Variants in WFDC10B observed in about 807,000 individuals in gnomAD.
WFDC10B encodes protein WFDC10B.
In WFDC10B, 1 loss-of-function variant was observed where a neutral mutation model predicts 2.7. That is an observed-to-expected ratio of 0.38 (90% CI 0.13 to 1.79). The LOEUF (loss-of-function observed/expected upper bound fraction) is 1.79, where lower values mean the gene tolerates loss of function less well. WFDC10B is among the 40% of genes most tolerant of loss of function. The probability of loss-of-function intolerance (pLI) is 0.33; values close to 1 mark genes in which losing one functional copy is unlikely to be tolerated. For synonymous variants in WFDC10B, 26 were observed against 32.2 expected (o/e 0.81, Z 0.65); for missense variants, 71 against 87.8 (o/e 0.81, Z 0.76).
chr20:45,698,371 T>C (rs796874149), intron 2 of WFDC10B, among the ~76,000 whole-genome samples: 71 of 152,238 alleles, frequency 4.7e-4, no homozygotes, highest in African/African-American at 1.6e-3. Context: ...GACTATGGAT[T>C]GGGCAATGGA....
chr20:45,702,101 TACTC>T (rs1480484079), intron 2 of WFDC10B: 7 of 1,608,788 alleles, frequency 4.4e-6, no homozygotes, highest in Admixed American at 1.7e-5. Context: ...GGCCAGAACT[TACTC>T]ACCCATCCCA....
At position 45,702,137 on chromosome 20, in the gene WFDC10B, T is replaced by G. The variant is rs200457136; in HGVS notation, c.-65+2360A>C. ...CCCACTGACACCATGAAGCCTGTGC[T>G]GCCTCTCCAGTTCCTGGTGGTGTTC... On this transcript the variant is annotated intron_variant, in intron 2 of 3. Transcript: ENST00000330523. 190 of 1,613,228 alleles carry G rather than the reference T, an allele frequency of 1.2e-4. No homozygotes were observed. Among genetic ancestry groups the G allele is most frequent in the Non-Finnish European group, 1.6e-4 (184 of 1,179,734 alleles).
chr20:45,704,988 C>A lies in WFDC10B; in HGVS notation c.-200G>T, dbSNP rs1357633352. 1.9e-6 allele frequency: 3 copies of A among 1,614,126 alleles called. No individual in the cohort carries two copies. The highest frequency in any genetic ancestry group is 3.3e-5 in the Admixed American group (2 of 60,020). On this transcript the variant is annotated 5_prime_UTR_variant, in exon 1 of 4. Transcript: ENST00000330523. ...TTGCTTGCCCTCCTTTCACAAGACA[C>A]CATCCTTTGGCCACCAGTGTTCTTG... is the stretch of plus-strand genomic sequence containing the variant.
intron 2 of WFDC10B, among the ~76,000 whole-genome samples, chr20:45,687,365 G>A (rs564709828): frequency 8.5e-5 from 13 of 152,228 alleles, no homozygotes; most frequent in African/African-American, 3.1e-4. Flanking sequence ...ATGCCACATA[G>A]TATTCCATGG....
rs151333106 is a variant in WFDC10B, at chr20:45,685,923, G to A, written c.70C>T (p.Arg24Cys). The A allele has an allele frequency of 1.7e-5, 27 of 1,614,034 alleles. No individual in the cohort carries two copies. In the African/African-American group the frequency reaches 1.9e-4, roughly 11 times the overall value. ...VLLLQAQGGY[R>C]DKMRMQRIKV... The stretch of plus-strand genomic sequence containing the variant: ...CTACTCTGCATCCTCATCTTGTCAC[G>A]GTATCCTCCCTGGGCCTGCAGCAGC... The change falls in exon 3 of 4, where the codon CGT (arginine) becomes TGT (cysteine). Residue 24 changes from arginine (R) to cysteine (C), a missense_variant. Transcript: ENST00000330523.
chr20:45,701,698 G>A (rs1371215680), intron 2 of WFDC10B, among the ~76,000 whole-genome samples: 1 of 150,816 alleles, frequency 6.6e-6, no homozygotes, highest in African/African-American at 2.4e-5. Flanking sequence ...GGAGGAAGAG[G>A]CTGCAGTGAG....
chr20:45,701,518 T>C (rs1242576415), intron 2 of WFDC10B, among the ~76,000 whole-genome samples: 1 of 152,142 alleles, frequency 6.6e-6, no homozygotes, highest in Non-Finnish European at 1.5e-5. Context: ...TCCTAGCACT[T>C]TGAGAGGCTG....
chr20:45,695,284 A>G (rs1316014578), intron 2 of WFDC10B, among the ~76,000 whole-genome samples: 1 of 152,190 alleles, frequency 6.6e-6, no homozygotes, highest in Non-Finnish European at 1.5e-5. Context: ...ATTAAATTAA[A>G]TTTTGGAACA....
intron 2 of WFDC10B, among the ~76,000 whole-genome samples, chr20:45,702,838 ACC>A (rs1984222511): frequency 1.3e-5 from 2 of 152,272 alleles, no homozygotes; most frequent in Admixed American, 1.3e-4. Context: ...CTTAACCAAT[ACC>A]AAGTGGGAAA....
chr20:45,704,838 C>T (rs1984325589), intron 1 of WFDC10B, 80 bp downstream of exon 1: 1 of 1,484,440 alleles, frequency 6.7e-7, no homozygotes, highest in African/African-American at 1.4e-5. Flanking sequence ...GACTCTGCCT[C>T]TCTGAACACA....
chr20:45,684,675 T>C lies in WFDC10B; in HGVS notation c.*155A>G, dbSNP rs1041170861. 9.8e-7 allele frequency: 1 copy of C among 1,016,036 alleles called. No homozygotes were observed. Among genetic ancestry groups the C allele is most frequent in the Non-Finnish European group, 1.4e-6 (1 of 703,536 alleles). 62.9% of individuals were successfully genotyped at this position (1,016,036 alleles called of 1,614,324 possible). ...ATCCATGGGCATTTGTTCTGGTTTA[T>C]TTGACAGGGACAGGGAGTTCAGACA... On this transcript the variant is annotated 3_prime_UTR_variant, in exon 4 of 4. Transcript: ENST00000330523.
intron 2 of WFDC10B, among the ~76,000 whole-genome samples, chr20:45,700,720 A>T (rs1391252369): frequency 1.3e-5 from 2 of 152,222 alleles, no homozygotes; most frequent in Admixed American, 6.5e-5. Context: ...AGTGGAGACA[A>T]TTCTAAAAGG....
In WFDC10B at chr20:45,693,503, T is replaced by C. The variant is rs542044862; in HGVS notation, c.-64-7447A>G. Among the ~76,000 whole-genome samples, 44 of 152,328 alleles carry C rather than the reference T, an allele frequency of 2.9e-4. 1 individual carries two copies. In the South Asian group the frequency reaches 7.9e-3, roughly 27 times the overall value. Reference sequence around the variant, plus strand: ...CACCCAGTTGGAGCTTCCCGGCTGCTTTGTTTACCTAAGCAAGCCTGTGCA... The same window carrying C: ...CACCCAGTTGGAGCTTCCCGGCTGCCTTGTTTACCTAAGCAAGCCTGTGCA... On this transcript the variant is annotated intron_variant, in intron 2 of 3. Coordinates refer to ENST00000330523, the MANE Select transcript of WFDC10B (RefSeq NM_172006.2).
rs1260683216 is a variant in WFDC10B at position 45,690,235 on chromosome 20, G to A, written c.-64-4179C>T. On this transcript the variant is annotated intron_variant, in intron 2 of 3. Coordinates refer to ENST00000330523, the MANE Select transcript of WFDC10B (RefSeq NM_172006.2). ...AGCTTTTTGATGTGCTGCTGGATTC[G>A]GTTTGCTAGTATTTTATTGAGGATT... 1.5e-4 allele frequency among the ~76,000 whole-genome samples: 22 copies of A among 148,394 alleles called. 1 individual carries two copies. The East Asian group carries it at 1.6e-3, about 11-fold the overall frequency.
chr20:45,689,224 T>A (rs1262144476), intron 2 of WFDC10B, among the ~76,000 whole-genome samples: 3 of 151,634 alleles, frequency 2.0e-5, no homozygotes, highest in African/African-American at 7.3e-5. Flanking sequence ...ACCAGTACCA[T>A]GCTGTTTTGG....
intron 2 of WFDC10B, among the ~76,000 whole-genome samples, chr20:45,692,920 C>G (rs1484258191): frequency 2.6e-5 from 4 of 152,148 alleles, no homozygotes; most frequent in African/African-American, 9.7e-5. Flanking sequence ...TTCAGAGTTT[C>G]CAGTTTTTCT....
chr20:45,690,951 C>G (rs1035043021), intron 2 of WFDC10B, among the ~76,000 whole-genome samples: 3 of 152,026 alleles, frequency 2.0e-5, no homozygotes, highest in African/African-American at 7.3e-5. Context: ...TGGATCTTTC[C>G]TGCTTTCTCT....
chr20:45,703,233 C>A (rs1280941832), intron 2 of WFDC10B, among the ~76,000 whole-genome samples: 1 of 152,152 alleles, frequency 6.6e-6, no homozygotes, highest in African/African-American at 2.4e-5. Context: ...GAGCCCCAAG[C>A]TCTTCAAAGT....
chr20:45,694,786 C>G (rs545537452), intron 2 of WFDC10B, among the ~76,000 whole-genome samples: 4 of 152,268 alleles, frequency 2.6e-5, no homozygotes, highest in African/African-American at 9.6e-5. Context: ...CAGGATGGAG[C>G]TGGTCACCAG....
Sources: gnomAD v4.1 joint callset for allele counts (sites outside exome capture counted in the v4.1 genomes callset) on GRCh38, gnomAD v4.1.1 for gene constraint, MANE v1.5 for transcripts, NCBI Gene and HGNC (gene_info 2026-07-23, HGNC 2026-07-21) for gene names.